The following SYN3 variants were observed in gnomAD, a reference collection of about 807,000 sequenced individuals.
SYN3 encodes synapsin-3.
In SYN3, 35 loss-of-function variants were observed where a neutral mutation model predicts 65.8. The ratio of observed to expected loss-of-function variants is 0.53; its 90% CI spans 0.41 to 0.70. SYN3 has a LOEUF of 0.70. Ranked by LOEUF, SYN3 falls within the 30% of genes least tolerant of loss-of-function variation. The pLI, the probability that SYN3 is intolerant of heterozygous loss-of-function variation, is 0.00. For synonymous variants in SYN3, 270 were observed against 292.9 expected, an observed-to-expected ratio of 0.92 and a Z score of 0.80; for missense variants, 680 against 749.0, an observed-to-expected ratio of 0.91 and a Z score of 1.08.
At chr22:32,827,938 G>C (rs758470501) in intron 6 of SYN3, among the ~76,000 whole-genome samples, 46 of 152,256 alleles carry the variant, frequency 3.0e-4, no homozygotes, top group Non-Finnish European at 5.3e-4. Flanking sequence ...CACCTTCGTA[G>C]AGAGGCCTTC....
At chr22:32,591,977 CAAGT>C (rs1355164097) in intron 7 of SYN3, among the ~76,000 whole-genome samples, 1 of 152,164 alleles carries the variant, frequency 6.6e-6, no homozygotes, top group Admixed American at 6.5e-5. Flanking sequence ...ACGGAATGTT[CAAGT>C]AAGTGTTATT....
At chr22:33,008,254 A>C (rs1288363655) in intron 1 of SYN3, among the ~76,000 whole-genome samples, 6 of 152,200 alleles carry the variant, frequency 3.9e-5, no homozygotes, top group Non-Finnish European at 4.4e-5. Flanking sequence ...TTATTGCAGT[A>C]AAATTTACTT....
chr22:32,829,213 TGCG>T (rs1320688275), intron 6 of SYN3, among the ~76,000 whole-genome samples: 1 of 152,088 alleles, frequency 6.6e-6, no homozygotes, highest in Non-Finnish European at 1.5e-5. Context: ...ACCCATGAGG[TGCG>T]TTGAACATTA....
intron 2 of SYN3, among the ~76,000 whole-genome samples, chr22:32,981,723 T>C (rs1227792278): frequency 6.6e-6 from 1 of 152,214 alleles, no homozygotes; most frequent in Non-Finnish European, 1.5e-5. Flanking sequence ...CTAATCATTA[T>C]ACGTTACATG....
intron 1 of SYN3, among the ~76,000 whole-genome samples, chr22:33,035,339 C>T (rs11703538): frequency 1.1e-4 from 10 of 94,770 alleles, no homozygotes; most frequent in East Asian, 1.0e-3. Flanking sequence ...GACCCCCCCC[C>T]CCCCCGCCAC....
At chr22:32,790,802 C>T (rs933638662) in intron 6 of SYN3, among the ~76,000 whole-genome samples, 2 of 152,120 alleles carry the variant, frequency 1.3e-5, no homozygotes, top group Non-Finnish European at 2.9e-5. Flanking sequence ...TCTGACAAGC[C>T]AGGGTGAGCC....
At chr22:32,720,842 A>C (rs1016104440) in intron 6 of SYN3, among the ~76,000 whole-genome samples, 1 of 152,196 alleles carries the variant, frequency 6.6e-6, no homozygotes, top group African/African-American at 2.4e-5. Context: ...AGAGCTCAGA[A>C]GCCCTCTCCC....
chr22:32,768,915 T>C (rs190110090), intron 6 of SYN3, among the ~76,000 whole-genome samples: 4 of 152,258 alleles, frequency 2.6e-5, no homozygotes, highest in Admixed American at 2.6e-4. Context: ...CAGCACCACA[T>C]CTACCCACCT....
chr22:32,528,216 G>A (rs527835823), intron 11 of SYN3, among the ~76,000 whole-genome samples: 42 of 152,304 alleles, frequency 2.8e-4, no homozygotes, highest in African/African-American at 1.0e-3. Flanking sequence ...CATTCTCTGC[G>A]ATAAAGCCTG....
At chr22:32,616,595 A>C (rs909700701) in intron 6 of SYN3, among the ~76,000 whole-genome samples, 8 of 152,108 alleles carry the variant, frequency 5.3e-5, no homozygotes, top group Non-Finnish European at 1.5e-5. Flanking sequence ...TTGTCCAGGC[A>C]AGGCTGAAGC....
At chr22:32,551,506 C>A (rs142826288) in intron 7 of SYN3, among the ~76,000 whole-genome samples, 4 of 142,974 alleles carry the variant, frequency 2.8e-5, no homozygotes, top group South Asian at 2.3e-4. Flanking sequence ...GGCCTCCCCC[C>A]ACCAACAAAT....
At chr22:32,875,500 G>C (rs4446) in intron 4 of SYN3, among the ~76,000 whole-genome samples, 1 of 152,064 alleles carries the variant, frequency 6.6e-6, no homozygotes, top group Non-Finnish European at 1.5e-5. Flanking sequence ...AAGATATGTC[G>C]AGGTCCTAAG....
At chr22:32,786,404 G>A (rs1217865082) in intron 6 of SYN3, among the ~76,000 whole-genome samples, 1 of 150,950 alleles carries the variant, frequency 6.6e-6, no homozygotes, top group African/African-American at 2.4e-5. Context: ...TTTTGAGACA[G>A]AGTCTCACTC....
intron 4 of SYN3, among the ~76,000 whole-genome samples, chr22:32,879,469 G>T (rs1052608012): frequency 4.6e-5 from 7 of 152,174 alleles, no homozygotes; most frequent in African/African-American, 1.4e-4. Flanking sequence ...GGAGGTGGGG[G>T]ACCTGCTTTC....
chr22:32,846,084 T>A (rs1202380052), intron 6 of SYN3, among the ~76,000 whole-genome samples: 1 of 152,170 alleles, frequency 6.6e-6, no homozygotes, highest in Non-Finnish European at 1.5e-5. Context: ...TAGTGAAGTT[T>A]TGTTTTTGTA....
chr22:33,038,845 C>T (rs1446662259), intron 1 of SYN3, among the ~76,000 whole-genome samples: 1 of 152,178 alleles, frequency 6.6e-6, no homozygotes, highest in Admixed American at 6.5e-5. Context: ...TGAGGTAGTG[C>T]ACTACAAAAC....
chr22:32,624,064 TTGC>T (rs1242400125), intron 6 of SYN3, among the ~76,000 whole-genome samples: 2 of 152,250 alleles, frequency 1.3e-5, no homozygotes, highest in African/African-American at 4.8e-5. Flanking sequence ...TCGGAGGCCC[TTGC>T]CAAGATCAAC....
intron 6 of SYN3, among the ~76,000 whole-genome samples, chr22:32,663,781 A>G (rs1037005775): frequency 6.6e-6 from 1 of 152,242 alleles, no homozygotes; most frequent in African/African-American, 2.4e-5. Flanking sequence ...GTAAAAGTAA[A>G]TGGTAAAATC....
At chr22:33,030,767 A>T (rs576539980) in intron 1 of SYN3, among the ~76,000 whole-genome samples, 2 of 152,174 alleles carry the variant, frequency 1.3e-5, no homozygotes, top group East Asian at 3.9e-4. Context: ...AGAAACAGAG[A>T]GAGAGGTAGA....
Sources: allele counts gnomAD v4.1 joint callset (sites outside exome capture counted in the v4.1 genomes callset), GRCh38; gene constraint gnomAD v4.1.1; transcripts MANE v1.5; gene names NCBI Gene and HGNC (gene_info 2026-07-23, HGNC 2026-07-21).